Variants in SH3RF1 observed in about 807,000 individuals in gnomAD.
SH3RF1 encodes the protein SH3 domain containing ring finger 1.
A neutral mutation model predicts 74.0 loss-of-function variants in SH3RF1; 32 were observed. That is an observed-to-expected ratio of 0.43 (90% CI 0.33 to 0.58). The LOEUF is 0.58. Ranked by LOEUF, SH3RF1 falls within the 20% of genes least tolerant of loss-of-function variation. SH3RF1 has a pLI of 0.05. For synonymous variants in SH3RF1, 396 were observed against 439.6 expected, an observed-to-expected ratio of 0.90 and a Z score of 1.24; for missense variants, 954 against 1,130.9, an observed-to-expected ratio of 0.84 and a Z score of 2.24.
intron 2 of SH3RF1, among the ~76,000 whole-genome samples, chr4:169,178,819 C>T (rs959200632): frequency 9.2e-5 from 14 of 152,226 alleles, no homozygotes; most frequent in African/African-American, 3.4e-4. Context: ...CAGATCAACA[C>T]AAACTGCTCT....
At chr4:169,261,049 G>T (rs913258817) in intron 2 of SH3RF1, among the ~76,000 whole-genome samples, 1 of 152,126 alleles carries the variant, frequency 6.6e-6, no homozygotes, top group African/African-American at 2.4e-5. Flanking sequence ...ACTACAAAGG[G>T]CTCTGAAAAG....
At position 169,117,563 on chromosome 4, in the gene SH3RF1, C is replaced by T. The variant is rs984984594; in HGVS notation, c.1737G>A (p.Gly579=). The T allele has an allele frequency of 1.2e-6, 2 of 1,614,250 alleles. No homozygotes were observed. Among genetic ancestry groups the T allele is most frequent in the Non-Finnish European group, 1.7e-6 (2 of 1,180,062 alleles). The change falls in exon 9 of 12, where the codon GGG becomes GGA. Residue 579 remains glycine, a synonymous_variant. Transcript: ENST00000284637. ...TGCGGGCCTGGTTGACTGTCATTTGCCCCGTCATGTGCAACAAGACCTTAG... is the reference window on the plus strand; with the variant it reads ...TGCGGGCCTGGTTGACTGTCATTTGTCCCGTCATGTGCAACAAGACCTTAG... ...PQAKVLLHMT[G]QMTVNQARNA... is the part of the protein sequence containing the mutation.
chr4:169,174,866 C>T (rs193260678), intron 2 of SH3RF1, among the ~76,000 whole-genome samples: 19 of 152,158 alleles, frequency 1.2e-4, no homozygotes, highest in South Asian at 2.1e-4. Flanking sequence ...ATCTACACAA[C>T]GATGTCTCCC....
At chr4:169,235,950 G>A (rs1730817354) in intron 2 of SH3RF1, among the ~76,000 whole-genome samples, 1 of 152,130 alleles carries the variant, frequency 6.6e-6, no homozygotes, top group Non-Finnish European at 1.5e-5. Flanking sequence ...CAAAGTGCTG[G>A]GATTATAGGC....
chr4:169,129,700 T>C (rs1312731623), intron 6 of SH3RF1, among the ~76,000 whole-genome samples: 1 of 152,206 alleles, frequency 6.6e-6, no homozygotes, highest in Non-Finnish European at 1.5e-5. Flanking sequence ...TTCCTTAGTA[T>C]TTTCATAAAT....
intron 2 of SH3RF1, among the ~76,000 whole-genome samples, chr4:169,211,475 C>A (rs1730365528): frequency 7.6e-6 from 1 of 131,682 alleles, no homozygotes. Flanking sequence ...GAGCGAGACT[C>A]CGTCTCAAAA....
chr4:169,111,170 T>C (rs1451695585), intron 10 of SH3RF1, among the ~76,000 whole-genome samples: 3 of 151,068 alleles, frequency 2.0e-5, no homozygotes, highest in Admixed American at 6.6e-5. Context: ...GGTATGGTGG[T>C]GCATGCCTGT....
chr4:169,141,011 A>T, intron 4 of SH3RF1, among the ~76,000 whole-genome samples: 2 of 143,890 alleles, frequency 1.4e-5, no homozygotes, highest in African/African-American at 5.1e-5. Context: ...TAAGCTCATC[A>T]GCTATTGATA....
At chr4:169,217,463 A>G (rs1730486397) in intron 2 of SH3RF1, 1 of 152,350 alleles carries the variant, frequency 6.6e-6, no homozygotes, top group Non-Finnish European at 1.5e-5. Flanking sequence ...AGGTAACGGG[A>G]GACAAAATCA....
At chr4:169,124,107 A>G (rs1307121771) in intron 6 of SH3RF1, among the ~76,000 whole-genome samples, 1 of 152,188 alleles carries the variant, frequency 6.6e-6, no homozygotes, top group East Asian at 1.9e-4. Context: ...TAATCGGTCT[A>G]CACTGTATAT....
chr4:169,270,825 T>A (rs1731438824), intron 1 of SH3RF1, 34 bp downstream of exon 1: 1 of 151,944 alleles, frequency 6.6e-6, no homozygotes, highest in Admixed American at 6.5e-5. Flanking sequence ...CGACGCTGGG[T>A]CCCCGTCGAC....
At position 169,136,299 on chromosome 4, in the gene SH3RF1, C is replaced by A; in HGVS notation, c.1068+19G>T. ...TTGTGGGTGAGCTCTTTTTATATAA[C>A]ACTTGTTTGAGGATTTACCTGAGAA... On this transcript the variant is annotated intron_variant, in intron 5 of 11. Coordinates refer to ENST00000284637, the MANE Select transcript of SH3RF1 (RefSeq NM_020870.4). 1 of 1,396,548 alleles carries A rather than the reference C, an allele frequency of 7.2e-7. No individual in the cohort carries two copies. The highest frequency in any genetic ancestry group is 9.4e-7 in the Non-Finnish European group (1 of 1,067,362). 86.5% of individuals were successfully genotyped at this position (1,396,548 alleles called of 1,614,324 possible).
At chr4:169,230,272 C>T (rs928709011) in intron 2 of SH3RF1, among the ~76,000 whole-genome samples, 1 of 152,134 alleles carries the variant, frequency 6.6e-6, no homozygotes, top group Non-Finnish European at 1.5e-5. Flanking sequence ...AATGAACCTA[C>T]CCATGTTTAT....
At chr4:169,118,704 G>A (rs923367241) in intron 8 of SH3RF1, among the ~76,000 whole-genome samples, 2 of 152,084 alleles carry the variant, frequency 1.3e-5, no homozygotes, top group African/African-American at 2.4e-5. Context: ...TGATCCACCC[G>A]CCTCAGCCTC....
intron 2 of SH3RF1, among the ~76,000 whole-genome samples, chr4:169,186,128 T>C (rs1021710950): frequency 1.3e-5 from 2 of 152,102 alleles, no homozygotes; most frequent in African/African-American, 4.8e-5. Flanking sequence ...ATAGAAAAAT[T>C]AGTGCAAGTA....
intron 2 of SH3RF1, among the ~76,000 whole-genome samples, chr4:169,228,388 G>GT (rs35946301): frequency 0.37 from 56,237 of 151,708 alleles, 12,964 homozygotes; most frequent in East Asian, 0.71. Context: ...GCAGCGCTGT[G>GT]TTTTTTTTCT....
chr4:169,258,236 A>C (rs1294329170), intron 2 of SH3RF1, among the ~76,000 whole-genome samples: 2 of 152,238 alleles, frequency 1.3e-5, no homozygotes, highest in Non-Finnish European at 2.9e-5. Context: ...GGTGATTCTC[A>C]GCTTCCACAC....
At chr4:169,261,919 A>G (rs899300006) in intron 2 of SH3RF1, among the ~76,000 whole-genome samples, 11 of 152,140 alleles carry the variant, frequency 7.2e-5, no homozygotes, top group Admixed American at 7.2e-4. Context: ...GAAAAATACT[A>G]TGAGTATTTT....
intron 2 of SH3RF1, among the ~76,000 whole-genome samples, chr4:169,165,290 C>T (rs1293926340): frequency 5.3e-5 from 8 of 152,170 alleles, no homozygotes; most frequent in Non-Finnish European, 7.3e-5. Flanking sequence ...AGGAATTCTG[C>T]TTGCATCTTA....
Sources: gnomAD v4.1 joint callset for allele counts (sites outside exome capture counted in the v4.1 genomes callset) on GRCh38, gnomAD v4.1.1 for gene constraint, MANE v1.5 for transcripts, NCBI Gene and HGNC (gene_info 2026-07-23, HGNC 2026-07-21) for gene names.